Variants in UST observed in about 807,000 individuals in gnomAD.
UST encodes uronyl 2-sulfotransferase, also known as chondroitin sulfate 2-O-sulfotransferase.
In UST, 21 loss-of-function variants were observed where a neutral mutation model predicts 45.6. That is an observed-to-expected ratio of 0.46 (90% confidence interval 0.33 to 0.66). The LOEUF (loss-of-function observed/expected upper bound fraction) is 0.66, where lower values mean the gene tolerates loss of function less well. Ranked by LOEUF, UST falls within the 30% of genes least tolerant of loss-of-function variation. The pLI, the probability that UST is intolerant of heterozygous loss-of-function variation, is 0.02. For synonymous variants in UST, 215 were observed against 200.6 expected (o/e 1.07, Z -0.61); for missense variants, 463 against 512.4 (o/e 0.90, Z 0.93).
chr6:149,025,884 C>T (rs569321663), intron 7 of UST, among the ~76,000 whole-genome samples: 9 of 151,962 alleles, frequency 5.9e-5, no homozygotes, highest in African/African-American at 1.9e-4. Flanking sequence ...CGTGGTGGCT[C>T]ACACCTGTAA....
intron 1 of UST, among the ~76,000 whole-genome samples, chr6:148,817,214 C>G (rs1777374232): frequency 6.6e-6 from 1 of 152,202 alleles, no homozygotes; most frequent in African/African-American, 2.4e-5. Context: ...AAAGCAAAGC[C>G]AAGAAATACT....
intron 1 of UST, among the ~76,000 whole-genome samples, chr6:148,848,270 GCCCTGACCATGGTATAGTTATT>G (rs1323344511): frequency 9.2e-5 from 14 of 152,276 alleles, no homozygotes; most frequent in African/African-American, 3.4e-4. Flanking sequence ...GTCTTGTTCT[GCCCTGACCATGGTATAGTTATT>G]CTACCCATTC....
At chr6:148,816,134 A>C (rs999666959) in intron 1 of UST, among the ~76,000 whole-genome samples, 3 of 151,926 alleles carry the variant, frequency 2.0e-5, no homozygotes, top group Admixed American at 2.0e-4. Flanking sequence ...GAAATTACAC[A>C]CTGTGTTGTT....
intron 7 of UST, among the ~76,000 whole-genome samples, chr6:149,021,781 T>C (rs1775984605): frequency 6.6e-6 from 1 of 152,198 alleles, no homozygotes; most frequent in Non-Finnish European, 1.5e-5. Flanking sequence ...TGCTGGAAAC[T>C]GAAACTGGCA....
chr6:148,748,693 G>A lies in UST; in HGVS notation c.247+1016G>A, dbSNP rs1260405389. Among the ~76,000 whole-genome samples, 1 of 152,084 alleles carries A rather than the reference G, an allele frequency of 6.6e-6. No homozygotes were observed. The highest frequency in any genetic ancestry group is 1.5e-5 in the Non-Finnish European group (1 of 68,026). ...AGTCTGTGGCCAGAAGAGGTCGTGC[G>A]GGGGTGAAGGCTGGGAGAGCTCCAG... On this transcript the variant is annotated intron_variant, in intron 1 of 7. Transcript: ENST00000367463. This position sits in a 1 kb window ranked among gnomAD's most constrained non-coding sequence, Gnocchi z 5.3.
intron 1 of UST, among the ~76,000 whole-genome samples, chr6:148,777,133 T>G (rs1055352120): frequency 1.3e-5 from 2 of 152,100 alleles, no homozygotes; most frequent in African/African-American, 4.8e-5. Context: ...ACAGGAGCCG[T>G]TTTTTCCTGG....
chr6:148,968,405 A>G (rs1780848527), intron 5 of UST, among the ~76,000 whole-genome samples: 1 of 152,238 alleles, frequency 6.6e-6, no homozygotes, highest in South Asian at 2.1e-4. Context: ...TCTAGCAGCC[A>G]TACTGTGAAA....
chr6:149,066,169 G>A (rs1485951618), intron 7 of UST: 1 of 152,118 alleles, frequency 6.6e-6, no homozygotes, highest in Non-Finnish European at 1.5e-5. Flanking sequence ...GTGTGATGGG[G>A]TCATGCTGTG....
At chr6:148,861,848 C>T (rs922908260) in intron 1 of UST, among the ~76,000 whole-genome samples, 1 of 152,194 alleles carries the variant, frequency 6.6e-6, no homozygotes, top group Non-Finnish European at 1.5e-5. Context: ...TTTGATTGCA[C>T]TGAGGTCTGA....
intron 2 of UST, among the ~76,000 whole-genome samples, chr6:148,918,451 A>G (rs1168854721): frequency 2.0e-5 from 3 of 152,232 alleles, no homozygotes; most frequent in Non-Finnish European, 4.4e-5. Flanking sequence ...TCAGCAGCTG[A>G]CACCTGAATT....
At position 148,810,680 on chromosome 6, in the gene UST, C is replaced by T. The variant is rs114194788; in HGVS notation, c.247+63003C>T. Among the ~76,000 whole-genome samples the T allele has an allele frequency of 8.2e-3, 1,253 of 152,304 alleles. 17 individuals carry two copies. The highest frequency in any genetic ancestry group is 0.029 in the African/African-American group (1,196 of 41,558). Reference sequence around the variant, plus strand: ...GGATGTGGGCTCAACTCTCTTTTCTCTCTACAGTCCCTAAAACTATAATAC... The same window carrying T: ...GGATGTGGGCTCAACTCTCTTTTCTTTCTACAGTCCCTAAAACTATAATAC... On this transcript the variant is annotated intron_variant, in intron 1 of 7. Transcript: ENST00000367463.
chr6:148,923,573 T>A (rs1254118216), intron 2 of UST, among the ~76,000 whole-genome samples: 3 of 152,256 alleles, frequency 2.0e-5, no homozygotes, highest in African/African-American at 7.2e-5. Context: ...AGCAAAATGC[T>A]AGAGTCTCTT....
At chr6:148,824,783 C>T (rs1265175194) in intron 1 of UST, among the ~76,000 whole-genome samples, 10 of 143,816 alleles carry the variant, frequency 7.0e-5, no homozygotes, top group African/African-American at 1.8e-4. Context: ...CACCCACTAA[C>T]GTGTCATCTA....
At chr6:148,890,090 A>G (rs1202479916) in intron 2 of UST, among the ~76,000 whole-genome samples, 1 of 152,204 alleles carries the variant, frequency 6.6e-6, no homozygotes, top group African/African-American at 2.4e-5. Flanking sequence ...CTTTCACTAT[A>G]ACTGTATTTT....
intron 1 of UST, among the ~76,000 whole-genome samples, chr6:148,886,133 G>A (rs118071412): frequency 3.5e-3 from 530 of 152,288 alleles, no homozygotes; most frequent in Non-Finnish European, 6.3e-3. Flanking sequence ...AGGACTCTAG[G>A]TAGGCTTTTC....
At chr6:148,771,434 G>T (rs1776422638) in intron 1 of UST, among the ~76,000 whole-genome samples, 1 of 152,190 alleles carries the variant, frequency 6.6e-6, no homozygotes, top group Admixed American at 6.5e-5. Flanking sequence ...GCCCCACCCT[G>T]TTCTGCCACC....
At chr6:148,943,813 G>A (rs1159666982) in intron 3 of UST, among the ~76,000 whole-genome samples, 1 of 152,220 alleles carries the variant, frequency 6.6e-6, no homozygotes, top group East Asian at 1.9e-4. Context: ...TAAATTGTAA[G>A]GCAGTTTTAA....
chr6:148,892,132 A>C (rs1476803538), intron 2 of UST, among the ~76,000 whole-genome samples: 2 of 152,184 alleles, frequency 1.3e-5, no homozygotes, highest in Non-Finnish European at 2.9e-5. Flanking sequence ...ATATTTAGAG[A>C]GTCTAAGAGA....
chr6:148,812,010 C>T (rs1442030667), intron 1 of UST, among the ~76,000 whole-genome samples: 1 of 152,212 alleles, frequency 6.6e-6, no homozygotes, highest in Non-Finnish European at 1.5e-5. Flanking sequence ...TGATCTTTAA[C>T]ATTCACCATT....
Sources: allele counts gnomAD v4.1 joint callset (sites outside exome capture counted in the v4.1 genomes callset), GRCh38; gene constraint gnomAD v4.1.1; non-coding constraint Gnocchi (gnomAD v3.1); transcripts MANE v1.5; gene names NCBI Gene and HGNC (gene_info 2026-07-23, HGNC 2026-07-21).